The following TECPR2 variants were observed in gnomAD, a reference collection of about 807,000 sequenced individuals.
TECPR2 encodes the protein tectonin beta-propeller repeat-containing protein 2.
TECPR2 carries 65 observed loss-of-function variants against 138.1 expected under a neutral mutation model. The observed-to-expected ratio is 0.47, with a 90% CI of 0.39 to 0.58. The LOEUF is 0.58. TECPR2 is among the 20% of genes least tolerant of loss of function. The pLI, the probability that TECPR2 is intolerant of heterozygous loss-of-function variation, is 0.00. For missense variants in TECPR2, 1,553 were observed against 1,824.5 expected, an observed-to-expected ratio of 0.85 and a Z score of 2.71; for synonymous variants, 746 against 749.8, an observed-to-expected ratio of 0.99 and a Z score of 0.08.
intron 2 of TECPR2, among the ~76,000 whole-genome samples, chr14:102,402,409 A>T (rs1888517733): frequency 1.3e-5 from 2 of 152,202 alleles, no homozygotes; most frequent in Admixed American, 1.3e-4. Context: ...CTAAAGGAGA[A>T]ATTTATAGCT....
intron 5 of TECPR2, among the ~76,000 whole-genome samples, chr14:102,423,702 T>G (rs896538290): frequency 3.9e-5 from 6 of 152,194 alleles, no homozygotes; most frequent in Non-Finnish European, 7.3e-5. Flanking sequence ...CAAACATCCC[T>G]GTCACTAAGT....
At chr14:102,410,480 A>T (rs1888805276) in intron 4 of TECPR2, among the ~76,000 whole-genome samples, 1 of 69,684 alleles carries the variant, frequency 1.4e-5, no homozygotes, top group Non-Finnish European at 3.5e-5. Context: ...TAAAAAAAAA[A>T]ATAAAAAATA....
chr14:102,384,217 C>T (rs118045123), intron 2 of TECPR2, among the ~76,000 whole-genome samples: 4,135 of 151,950 alleles, frequency 0.027, 75 homozygotes, highest in Middle Eastern at 0.085. Flanking sequence ...CTGCATCCGG[C>T]CGGAAGTTGT....
chr14:102,450,786 A>T (rs1890120605), intron 15 of TECPR2, 137 bp downstream of exon 15: 5 of 826,840 alleles, frequency 6.0e-6, no homozygotes, highest in South Asian at 1.6e-5. Flanking sequence ...GTCAGAGGCC[A>T]GTAGCCCTTG....
chr14:102,488,284 G>A (rs12883789), intron 17 of TECPR2, among the ~76,000 whole-genome samples: 47,557 of 150,584 alleles, frequency 0.32, 8,258 homozygotes, highest in East Asian at 0.5. Flanking sequence ...GTCTCATAGA[G>A]CTGGGATTAT....
At chr14:102,416,226 A>T (rs1370405715) in intron 5 of TECPR2, among the ~76,000 whole-genome samples, 1 of 151,976 alleles carries the variant, frequency 6.6e-6, no homozygotes, top group Non-Finnish European at 1.5e-5. Context: ...GGTTCAAGCG[A>T]TTCTCCTGCC....
At position 102,443,014 on chromosome 14, in the gene TECPR2, T is replaced by A. The variant is rs1327647720; in HGVS notation, c.2753-633T>A. 4.6e-5 allele frequency among the ~76,000 whole-genome samples: 7 copies of A among 152,216 alleles called. No homozygotes were observed. Among genetic ancestry groups the A allele is most frequent in the African/African-American group, 1.7e-4 (7 of 41,460 alleles). ...AGACCTCAGATTTCATCTGGGAAAT[T>A]CGGGGTTTCATTTTATTAGTGGAAC... On this transcript the variant is annotated intron_variant, in intron 11 of 19. Transcript: ENST00000359520. The surrounding 1 kb of genome is among the most constrained non-coding windows in gnomAD (Gnocchi z 4.9).
At chr14:102,374,416 A>G (rs1388608575) in intron 1 of TECPR2, among the ~76,000 whole-genome samples, 1 of 152,048 alleles carries the variant, frequency 6.6e-6, no homozygotes, top group Non-Finnish European at 1.5e-5. Flanking sequence ...CACTCGGGCT[A>G]GAGTGCAGTG....
intron 2 of TECPR2, among the ~76,000 whole-genome samples, chr14:102,403,438 G>A (rs948346918): frequency 6.6e-6 from 1 of 152,130 alleles, no homozygotes; most frequent in Non-Finnish European, 1.5e-5. Context: ...GGTAAAAAAC[G>A]GAAAGCTTTT....
chr14:102,486,442 G>A (rs1168351020), intron 17 of TECPR2, among the ~76,000 whole-genome samples: 1 of 152,186 alleles, frequency 6.6e-6, no homozygotes, highest in Non-Finnish European at 1.5e-5. Context: ...TGGGACTACA[G>A]GTGTGTGTAC....
chr14:102,425,870 GGTTTTTTTTTTT>G (rs1319326270), intron 6 of TECPR2, among the ~76,000 whole-genome samples: 3 of 144,244 alleles, frequency 2.1e-5, no homozygotes, highest in Non-Finnish European at 4.5e-5. Flanking sequence ...CACCATGCCT[GGTTTTTTTTTTT>G]GTTTTTTTTT....
Position 102,419,027 on chromosome 14 carries a change from G to A in TECPR2, c.638+4234G>A, listed in dbSNP as rs1034618811. Reference sequence around the variant, plus strand: ...GCAGTGGAGAGCTGGCGTGGGAGGCGGGTGGCGGGTGTACCTCTCGGGGAG... The same window carrying A: ...GCAGTGGAGAGCTGGCGTGGGAGGCAGGTGGCGGGTGTACCTCTCGGGGAG... On this transcript the variant is annotated intron_variant, in intron 5 of 19. Transcript: ENST00000359520. This position sits in a 1 kb window ranked among gnomAD's most constrained non-coding sequence, Gnocchi z 4.8. Among the ~76,000 whole-genome samples the A allele has an allele frequency of 6.6e-6, 1 of 152,104 alleles. No homozygotes were observed. The highest frequency in any genetic ancestry group is 1.9e-4 in the East Asian group (1 of 5,176).
chr14:102,367,249 A>G (rs1246014450), intron 1 of TECPR2, among the ~76,000 whole-genome samples: 1 of 152,120 alleles, frequency 6.6e-6, no homozygotes, highest in African/African-American at 2.4e-5. Flanking sequence ...TTTGGGGGGT[A>G]ACAGCTTTAT....
chr14:102,495,985 C>T (rs1008632683), intron 17 of TECPR2, among the ~76,000 whole-genome samples: 4 of 152,222 alleles, frequency 2.6e-5, no homozygotes, highest in Admixed American at 6.5e-5. Flanking sequence ...ATGACAGGAG[C>T]ACTGTGCGGC....
rs545018861 is a variant in TECPR2, at chr14:102,494,109, A to C, written c.3790-2870A>C. On this transcript the variant is annotated intron_variant, in intron 17 of 19. Transcript: ENST00000359520. ...CTGGTGCTACCTGAGAGCCCCATCC[A>C]GCCCACTCACGAAGGCTTCCAGAGC... Among the ~76,000 whole-genome samples the C allele has an allele frequency of 9.9e-5, 15 of 152,270 alleles. No individual in the cohort carries two copies. The South Asian group carries it at 2.7e-3, about 27-fold the overall frequency.
At chr14:102,375,105 T>C (rs1339670615) in intron 1 of TECPR2, among the ~76,000 whole-genome samples, 2 of 152,318 alleles carry the variant, frequency 1.3e-5, no homozygotes, top group South Asian at 2.1e-4. Context: ...GGAGGATCTC[T>C]TGAGCCCAGG....
chr14:102,491,872 T>A (rs1739279168), intron 17 of TECPR2, among the ~76,000 whole-genome samples: 1 of 152,228 alleles, frequency 6.6e-6, no homozygotes, highest in Admixed American at 6.5e-5. Flanking sequence ...GTGTTTTGTT[T>A]GCAGTTGAGG....
chr14:102,367,930 T>G (rs148479256), intron 1 of TECPR2, among the ~76,000 whole-genome samples: 202 of 150,734 alleles, frequency 1.3e-3, no homozygotes, highest in African/African-American at 4.8e-3. Flanking sequence ...TATCTCCTTG[T>G]GGTTTCGATT....
In TECPR2 at chr14:102,467,988, C is replaced by T. The variant is rs185134788; in HGVS notation, c.3789+2699C>T. On this transcript the variant is annotated intron_variant, in intron 17 of 19. Transcript: ENST00000359520. ...AGTAGCTGGGATTACAGACATGTGC[C>T]TCCACGCCTGGCTATTTTTTTTTTT... 6.0e-4 allele frequency among the ~76,000 whole-genome samples: 91 copies of T among 150,714 alleles called. No individual in the cohort carries two copies. In the East Asian group the frequency reaches 0.015, roughly 24 times the overall value.
Sources: gnomAD v4.1 joint callset for allele counts (sites outside exome capture counted in the v4.1 genomes callset) on GRCh38, gnomAD v4.1.1 for gene constraint, Gnocchi (gnomAD v3.1) non-coding constraint, MANE v1.5 for transcripts, NCBI Gene and HGNC (gene_info 2026-07-23, HGNC 2026-07-21) for gene names.